UBE4B: variants seen among roughly 807,000 people sequenced by gnomAD.
UBE4B encodes ubiquitination factor E4B.
In UBE4B, 27 loss-of-function variants were observed where a neutral mutation model predicts 148.1. The ratio of observed to expected loss-of-function variants is 0.18; its 90% CI spans 0.13 to 0.25. UBE4B has a LOEUF of 0.25. Among genes scored for constraint, UBE4B ranks in the 10% least tolerant of loss-of-function variants. UBE4B has a pLI of 1.00. For missense variants in UBE4B, 1,170 were observed against 1,662.4 expected (o/e 0.70, Z 5.15); for synonymous variants, 596 against 619.3 (o/e 0.96, Z 0.56).
In UBE4B at chr1:10,103,325, G is replaced by A. The variant is rs567160653; in HGVS notation, c.580+233G>A. On this transcript the variant is annotated intron_variant, in intron 5 of 27. Coordinates refer to ENST00000343090, the MANE Select transcript of UBE4B (RefSeq NM_001105562.3). ...GATTTCTATAATACTATGTAAATAG[G>A]TTAATGGTCTCCATTTTCTCAGGGT... The A allele has an allele frequency of 1.4e-5, 4 of 294,346 alleles. No homozygotes were observed. In the East Asian group the frequency reaches 2.3e-4, roughly 17 times the overall value. The allele number at this position is 294,346 out of a possible 1,614,324, so 18.2% of individuals were successfully genotyped here.
chr1:10,035,389 G>GTTTTTTTTTTT, intron 1 of UBE4B, among the ~76,000 whole-genome samples: 1 of 65,822 alleles, frequency 1.5e-5, no homozygotes, highest in Non-Finnish European at 2.6e-5. Flanking sequence ...CAGAGATACT[G>GTTTTTTTTTTT]TTTTTTTTTT....
chr1:10,084,594 G>A lies in UBE4B; in HGVS notation c.212-10867G>A, dbSNP rs1644734212. Among the ~76,000 whole-genome samples the A allele has an allele frequency of 5.9e-5, 9 of 152,108 alleles. No homozygotes were observed. The South Asian group carries it at 1.9e-3, about 32-fold the overall frequency. On this transcript the variant is annotated intron_variant, in intron 2 of 27. Transcript: ENST00000343090. ...TTTCTATCTGTTGAGCTCATAGTAGGTATCCAGGAAGTAGTAGGGTTGACT... is the reference window on the plus strand; with the variant it reads ...TTTCTATCTGTTGAGCTCATAGTAGATATCCAGGAAGTAGTAGGGTTGACT...
intron 1 of UBE4B, among the ~76,000 whole-genome samples, chr1:10,064,262 C>T (rs1256494549): frequency 6.6e-6 from 1 of 152,104 alleles, no homozygotes; most frequent in East Asian, 1.9e-4. Context: ...TTCAAAATTG[C>T]TCTCTGGGAT....
chr1:10,168,080 T>C lies in UBE4B; in HGVS notation c.3199-56T>C. ...CTTTCCAGTTATGTGCTTGGCGCTTTGCTGAGCTGATGACCAGGACCGAGC... is the reference window on the plus strand; with the variant it reads ...CTTTCCAGTTATGTGCTTGGCGCTTCGCTGAGCTGATGACCAGGACCGAGC... On this transcript the variant is annotated intron_variant, in intron 23 of 27. Transcript: ENST00000343090. The surrounding 1 kb of genome is among the most constrained non-coding windows in gnomAD (Gnocchi z 4.9). 1 of 1,570,874 alleles carries C rather than the reference T, an allele frequency of 6.4e-7. No homozygotes were observed. Among genetic ancestry groups the C allele is most frequent in the Non-Finnish European group, 8.7e-7 (1 of 1,155,600 alleles).
intron 2 of UBE4B, among the ~76,000 whole-genome samples, chr1:10,089,947 G>T (rs753572020): frequency 6.6e-6 from 1 of 151,582 alleles, no homozygotes; most frequent in Admixed American, 6.6e-5. Context: ...CGCCCACCTC[G>T]GCCTCCCAAA....
At chr1:10,145,246 A>G (rs1156452261) in intron 18 of UBE4B, 1 of 402,272 alleles carries the variant, frequency 2.5e-6, no homozygotes, top group East Asian at 3.8e-5. Flanking sequence ...GAATATGGAT[A>G]GATATGCTTC....
chr1:10,132,710 A>G (rs1289142073), intron 15 of UBE4B, among the ~76,000 whole-genome samples: 2 of 152,238 alleles, frequency 1.3e-5, no homozygotes, highest in Non-Finnish European at 2.9e-5. Flanking sequence ...AGCAAAGTAA[A>G]TGACATGAGA....
chr1:10,085,939 AC>A (rs1644758098), intron 2 of UBE4B, among the ~76,000 whole-genome samples: 1 of 151,076 alleles, frequency 6.6e-6, no homozygotes, highest in African/African-American at 2.4e-5. Context: ...ACAGGCACCC[AC>A]CACCACGCCC....
At chr1:10,109,011 C>T (rs1320017310) in intron 7 of UBE4B, among the ~76,000 whole-genome samples, 1 of 152,132 alleles carries the variant, frequency 6.6e-6, no homozygotes, top group Admixed American at 6.5e-5. Context: ...ACCTCTCTTT[C>T]TGGACTTCTA....
At position 10,147,086 on chromosome 1, in the gene UBE4B, C is replaced by T; in HGVS notation, c.2587C>T (p.Pro863Ser). Residue 863 changes from proline (P) to serine (S), a missense_variant, in exon 19 of 28, where the codon CCC (proline) becomes TCC (serine). This residue lies in a region of UBE4B where 348 missense variants were observed against 627.2 expected (regional missense o/e 0.55). Transcript: ENST00000343090. ...GCTCCGCATCCTGGACCCCGCATAT[C>T]CCGAGTGAGTGTGCTTCTTCCTGTT... ...LLLRILDPAY[P>S]DITLPLNSDV... 6.2e-7 allele frequency: 1 copy of T among 1,614,142 alleles called. No individual in the cohort carries two copies. Among genetic ancestry groups the T allele is most frequent in the Non-Finnish European group, 8.5e-7 (1 of 1,180,002 alleles).
chr1:10,130,649 C>T, intron 13 of UBE4B, 33 bp downstream of exon 13: 1 of 1,612,652 alleles, frequency 6.2e-7, no homozygotes, highest in Non-Finnish European at 8.5e-7. Context: ...CTTTGCTGCC[C>T]TTTTATTCAG....
intron 25 of UBE4B, among the ~76,000 whole-genome samples, chr1:10,174,996 C>G (rs1328348031): frequency 6.6e-6 from 1 of 152,130 alleles, no homozygotes; most frequent in Non-Finnish European, 1.5e-5. Flanking sequence ...CCGGGAAAGA[C>G]AAAGGAAGAG....
intron 7 of UBE4B, among the ~76,000 whole-genome samples, chr1:10,111,213 T>A (rs1395749182): frequency 6.8e-6 from 1 of 147,420 alleles, no homozygotes; most frequent in Non-Finnish European, 1.5e-5. Flanking sequence ...CTCCACATAC[T>A]ACACACACAC....
chr1:10,087,515 C>G (rs1644784029), intron 2 of UBE4B, among the ~76,000 whole-genome samples: 1 of 152,182 alleles, frequency 6.6e-6, no homozygotes, highest in South Asian at 2.1e-4. Context: ...TTTTCATGAT[C>G]TTCACAGTTT....
At chr1:10,052,480 C>T (rs1289615239) in intron 1 of UBE4B, among the ~76,000 whole-genome samples, 1 of 152,184 alleles carries the variant, frequency 6.6e-6, no homozygotes, top group Non-Finnish European at 1.5e-5. Flanking sequence ...TCATATTGAG[C>T]ACCCATCGTG....
intron 1 of UBE4B, among the ~76,000 whole-genome samples, chr1:10,063,576 G>A (rs1352236819): frequency 6.6e-6 from 1 of 152,056 alleles, no homozygotes; most frequent in South Asian, 2.1e-4. Context: ...GCCTCCATTC[G>A]TTCTCCACAC....
At chr1:10,102,144 C>T (rs1379017676) in intron 4 of UBE4B, among the ~76,000 whole-genome samples, 1 of 151,954 alleles carries the variant, frequency 6.6e-6, no homozygotes, top group Non-Finnish European at 1.5e-5. Context: ...GCACTGTAGC[C>T]TCCTAGTGGT....
chr1:10,103,297 C>T, intron 5 of UBE4B: 1 of 428,342 alleles, frequency 2.3e-6, no homozygotes, highest in Non-Finnish European at 4.2e-6. Context: ...TTTTCATTTC[C>T]ATGATTTCTA....
chr1:10,054,246 T>C (rs1224398777), intron 1 of UBE4B, among the ~76,000 whole-genome samples: 1 of 152,198 alleles, frequency 6.6e-6, no homozygotes, highest in African/African-American at 2.4e-5. Flanking sequence ...TTGAGTAATT[T>C]GTTGCACAGT....
Sources: gnomAD v4.1 joint callset for allele counts (sites outside exome capture counted in the v4.1 genomes callset) on GRCh38, gnomAD v4.1.1 for gene constraint, gnomAD v4.1.1 regional missense constraint, Gnocchi (gnomAD v3.1) non-coding constraint, MANE v1.5 for transcripts, NCBI Gene and HGNC (gene_info 2026-07-23, HGNC 2026-07-21) for gene names.